MFAP3L: variants seen among roughly 807,000 people sequenced by gnomAD.
MFAP3L encodes microfibril associated protein 3 like.
Under a neutral mutation model 20.0 loss-of-function variants are expected in MFAP3L, and 5 were observed. The ratio of observed to expected loss-of-function variants is 0.25; its 90% CI spans 0.13 to 0.53. MFAP3L has a LOEUF of 0.53. Ranked by LOEUF, MFAP3L falls within the 20% of genes least tolerant of loss-of-function variation. The probability of loss-of-function intolerance (pLI) is 0.96; values close to 1 mark genes in which losing one functional copy is unlikely to be tolerated. For synonymous variants in MFAP3L, 219 were observed against 213.0 expected (o/e 1.03, Z -0.25); for missense variants, 409 against 527.5 (o/e 0.78, Z 2.20).
chr4:170,012,571 G>C (rs1387672669), intron 1 of MFAP3L, among the ~76,000 whole-genome samples: 1 of 152,118 alleles, frequency 6.6e-6, no homozygotes, highest in Non-Finnish European at 1.5e-5. Flanking sequence ...TTCTCTCTCT[G>C]TACCCCTGGC....
Position 170,005,560 on chromosome 4 carries a change from G to T in MFAP3L, c.298+20C>A. 1 of 1,606,748 alleles carries T rather than the reference G, an allele frequency of 6.2e-7. No individual in the cohort carries two copies. Among genetic ancestry groups the T allele is most frequent in the South Asian group, 1.1e-5 (1 of 90,812 alleles). On this transcript the variant is annotated intron_variant, in intron 2 of 2. Coordinates refer to ENST00000361618, the MANE Select transcript of MFAP3L (RefSeq NM_021647.8). ...CTGTTTATATTTTATTATGACATTT[G>T]ATACAACTTTAAAGCCTACCTCCTC... is the stretch of plus-strand genomic sequence containing the variant.
rs1221445079 is a variant in MFAP3L at position 169,990,594 on chromosome 4, C to G, written c.*784G>C. 2 of 152,606 alleles carry G rather than the reference C, an allele frequency of 1.3e-5. No individual in the cohort carries two copies. Among genetic ancestry groups the G allele is most frequent in the Non-Finnish European group, 2.9e-5 (2 of 68,026 alleles). The allele number at this position is 152,606 out of a possible 1,614,324, so 9.5% of individuals were successfully genotyped here. ...TCAGCTGAGCTCACCAAAAGGCTCA[C>G]TCAATCAGACAGGTAAACACATTTT... On this transcript the variant is annotated 3_prime_UTR_variant, in exon 3 of 3. Transcript: ENST00000361618.
intron 2 of MFAP3L, among the ~76,000 whole-genome samples, chr4:170,001,536 A>C (rs775424386): frequency 1.3e-5 from 2 of 152,234 alleles, no homozygotes; most frequent in Non-Finnish European, 2.9e-5. Context: ...CTTTCTTGAA[A>C]TCCTCGTTAC....
Position 169,992,716 on chromosome 4 carries a change from T to A in MFAP3L, c.299-407A>T, listed in dbSNP as rs753396474. 3.3e-5 allele frequency among the ~76,000 whole-genome samples: 5 copies of A among 152,232 alleles called. No individual in the cohort carries two copies. The highest frequency in any genetic ancestry group is 7.3e-5 in the Non-Finnish European group (5 of 68,040). On this transcript the variant is annotated intron_variant, in intron 2 of 2. Coordinates refer to ENST00000361618, the MANE Select transcript of MFAP3L (RefSeq NM_021647.8). This position sits in a 1 kb window ranked among gnomAD's most constrained non-coding sequence, Gnocchi z 4.3. ...CAATCTGGAAAACACTGTGCTCTTA[T>A]TGAAGAGTTCCTTAACTTTAAAAGC...
At chr4:170,025,970 C>A (rs1730358867) in intron 1 of MFAP3L, among the ~76,000 whole-genome samples, 1 of 152,076 alleles carries the variant, frequency 6.6e-6, no homozygotes, top group African/African-American at 2.4e-5. Flanking sequence ...TCCTCGCCCT[C>A]GGAAGGTTAC....
intron 1 of MFAP3L, among the ~76,000 whole-genome samples, chr4:170,016,801 C>A (rs1032844875): frequency 6.6e-6 from 1 of 152,300 alleles, no homozygotes; most frequent in East Asian, 1.9e-4. Flanking sequence ...TGTTCTTTAA[C>A]CACAGAACTA....
In MFAP3L at chr4:170,026,306, C is replaced by A; in HGVS notation, c.-206G>T. 1 of 983,498 alleles carries A rather than the reference C, an allele frequency of 1.0e-6. No homozygotes were observed. The highest frequency in any genetic ancestry group is 1.2e-6 in the Non-Finnish European group (1 of 829,020). 60.9% of individuals were successfully genotyped at this position (983,498 alleles called of 1,614,324 possible). ...GGCCAGCCCGACAGCGGCCGCTGCG[C>A]CGCACTCTGCGCCGGACGCCCGGTA... On this transcript the variant is annotated 5_prime_UTR_variant, in exon 1 of 3. Transcript: ENST00000361618.
chr4:170,002,106 G>A lies in MFAP3L; in HGVS notation c.298+3474C>T, dbSNP rs142989674. On this transcript the variant is annotated intron_variant, in intron 2 of 2. Transcript: ENST00000361618. ...CATGCCATGTACACACACATGTTCC[G>A]GCACAAATCCTAACACTGTCTGACC... is the stretch of plus-strand genomic sequence containing the variant. 2.2e-4 allele frequency: 216 copies of A among 985,346 alleles called. 1 individual carries two copies. In the African/African-American group the frequency reaches 2.8e-3, roughly 13 times the overall value. The allele number at this position is 985,346 out of a possible 1,614,324, so 61.0% of individuals were successfully genotyped here. A position where few individuals can be genotyped will look rare whatever the true frequency, so the allele number is the denominator to read the frequency against.
intron 2 of MFAP3L, chr4:170,003,564 G>T: frequency 8.8e-6 from 4 of 456,996 alleles, no homozygotes; most frequent in Non-Finnish European, 1.2e-5. Context: ...TCGAAATGTT[G>T]GAACTGAAAT....
chr4:170,004,849 G>A (rs570487898), intron 2 of MFAP3L: 2 of 152,336 alleles, frequency 1.3e-5, no homozygotes, highest in South Asian at 4.1e-4. Context: ...TAGGAAAGCA[G>A]ATTAACTCCT....
intron 1 of MFAP3L, 108 bp from the exon 2 acceptor site, chr4:170,006,118 T>C (rs1739018500): frequency 1.4e-6 from 1 of 739,168 alleles, no homozygotes; most frequent in Non-Finnish European, 1.8e-6. Context: ...CAACATACTT[T>C]TTTTTTTTTT....
At chr4:170,018,495 A>C (rs1365545792) in intron 1 of MFAP3L, among the ~76,000 whole-genome samples, 2 of 152,136 alleles carry the variant, frequency 1.3e-5, no homozygotes, top group Non-Finnish European at 2.9e-5. Context: ...AACCCAGTGA[A>C]AGGAGGAGAG....
chr4:170,004,296 G>C (rs1388386783), intron 2 of MFAP3L, among the ~76,000 whole-genome samples: 2 of 152,028 alleles, frequency 1.3e-5, no homozygotes, highest in African/African-American at 2.4e-5. Flanking sequence ...ATGGGTATTT[G>C]AACTATAATG....
At chr4:170,003,448 G>A (rs1483836503) in intron 2 of MFAP3L, among the ~76,000 whole-genome samples, 1 of 152,200 alleles carries the variant, frequency 6.6e-6, no homozygotes, top group African/African-American at 2.4e-5. Flanking sequence ...GAGGGACGGT[G>A]CAGAGTCAGC....
At chr4:170,012,181 T>C (rs1456067154) in intron 1 of MFAP3L, among the ~76,000 whole-genome samples, 4 of 152,062 alleles carry the variant, frequency 2.6e-5, no homozygotes, top group Admixed American at 6.5e-5. Context: ...TATTATACAA[T>C]ATCCAGGAAG....
At position 169,991,744 on chromosome 4, in the gene MFAP3L, T is replaced by C. The variant is rs201410612; in HGVS notation, c.864A>G (p.Thr288=). ...QEAADRDEVY[T]IPNSLKRSDS... is the part of the protein sequence containing the mutation. ...CGCTCCGCTTCAGAGAGTTGGGGATTGTGTAGACCTCATCCCTGTCTGCGG... is the reference window on the plus strand; with the variant it reads ...CGCTCCGCTTCAGAGAGTTGGGGATCGTGTAGACCTCATCCCTGTCTGCGG... The change falls in exon 3 of 3, where the codon ACA becomes ACG. Residue 288 remains threonine (T), a synonymous_variant. Transcript: ENST00000361618. The surrounding 1 kb of genome is among the most constrained non-coding windows in gnomAD (Gnocchi z 4.9). 1.2e-6 allele frequency: 2 copies of C among 1,614,066 alleles called. No homozygotes were observed. The highest frequency in any genetic ancestry group is 1.7e-6 in the Non-Finnish European group (2 of 1,180,010).
intron 1 of MFAP3L, among the ~76,000 whole-genome samples, chr4:170,022,688 G>A (rs2111081368): frequency 6.6e-6 from 1 of 152,316 alleles, no homozygotes; most frequent in African/African-American, 2.4e-5. Context: ...CGTGAAAGAG[G>A]GAAGCAGAAG....
chr4:170,025,966 C>T (rs955989310), intron 1 of MFAP3L, among the ~76,000 whole-genome samples: 17 of 152,104 alleles, frequency 1.1e-4, no homozygotes, highest in African/African-American at 4.1e-4. Flanking sequence ...GCGCTCCTCG[C>T]CCTCGGAAGG....
chr4:170,005,938 A>C lies in MFAP3L; in HGVS notation c.-61T>G. The C allele has an allele frequency of 5.1e-6, 8 of 1,557,734 alleles. No homozygotes were observed. The highest frequency in any genetic ancestry group is 7.0e-6 in the Non-Finnish European group (8 of 1,150,346). On this transcript the variant is annotated 5_prime_UTR_variant, in exon 2 of 3. Coordinates refer to ENST00000361618, the MANE Select transcript of MFAP3L (RefSeq NM_021647.8). ...GTTTGCCAACCGAATCTTCTATCAGACAACACACTGTTCACAGCAGGTCAT... is the reference window on the plus strand; with the variant it reads ...GTTTGCCAACCGAATCTTCTATCAGCCAACACACTGTTCACAGCAGGTCAT...
Sources: allele counts gnomAD v4.1 joint callset (sites outside exome capture counted in the v4.1 genomes callset), GRCh38; gene constraint gnomAD v4.1.1; non-coding constraint Gnocchi (gnomAD v3.1); transcripts MANE v1.5; gene names NCBI Gene and HGNC (gene_info 2026-07-23, HGNC 2026-07-21).